The following RALGAPA1 variants were observed in gnomAD, a reference collection of about 807,000 sequenced individuals.
RALGAPA1 encodes the protein Ral GTPase activating protein catalytic subunit alpha 1, also known as ral GTPase-activating protein subunit alpha-1.
Under a neutral mutation model 269.6 loss-of-function variants are expected in RALGAPA1, and 52 were observed. The ratio of observed to expected loss-of-function variants is 0.19; its 90% confidence interval spans 0.15 to 0.24. RALGAPA1 has a LOEUF of 0.24. RALGAPA1 is among the 10% of genes least tolerant of loss of function. The pLI is 1.00. For missense variants in RALGAPA1, 1,917 were observed against 3,013.9 expected (o/e 0.64, Z 8.52); for synonymous variants, 817 against 1,008.3 (o/e 0.81, Z 3.60).
At chr14:35,781,895 A>G (rs956029383) in intron 1 of RALGAPA1, among the ~76,000 whole-genome samples, 6 of 152,178 alleles carry the variant, frequency 3.9e-5, no homozygotes, top group Non-Finnish European at 8.8e-5. Context: ...AAAGACTGAA[A>G]GCTTTACCCC....
chr14:35,625,050 C>T (rs1018596193), intron 35 of RALGAPA1, among the ~76,000 whole-genome samples: 1 of 147,704 alleles, frequency 6.8e-6, no homozygotes, highest in Non-Finnish European at 1.5e-5. Flanking sequence ...AAAAGTTAGC[C>T]GGGTGTGGTG....
At chr14:35,781,150 A>G (rs1350444727) in intron 1 of RALGAPA1, among the ~76,000 whole-genome samples, 1 of 152,182 alleles carries the variant, frequency 6.6e-6, no homozygotes, top group Admixed American at 6.5e-5. Context: ...TAAGATTCAA[A>G]TCACTAATCT....
At chr14:35,787,285 G>A (rs969568081) in intron 1 of RALGAPA1, among the ~76,000 whole-genome samples, 1 of 152,156 alleles carries the variant, frequency 6.6e-6, no homozygotes, top group Non-Finnish European at 1.5e-5. Flanking sequence ...GCAAGAACGG[G>A]TAATTATTTT....
intron 26 of RALGAPA1, among the ~76,000 whole-genome samples, chr14:35,666,175 C>A (rs1027816691): frequency 2.6e-5 from 4 of 151,976 alleles, no homozygotes; most frequent in Non-Finnish European, 5.9e-5. Context: ...CAGGTGCGTG[C>A]CACCACTACC....
chr14:35,775,937 A>G (rs1414215920), intron 1 of RALGAPA1, among the ~76,000 whole-genome samples, 192 bp from the exon 2 acceptor site: 5 of 152,198 alleles, frequency 3.3e-5, no homozygotes, highest in Non-Finnish European at 7.3e-5. Context: ...TTTTAGTTTT[A>G]ATTTTAAAAA....
intron 22 of RALGAPA1, chr14:35,677,640 G>C (rs1330428825): frequency 1.8e-5 from 5 of 273,392 alleles, no homozygotes; most frequent in Admixed American, 5.9e-5. Context: ...CTAAGAATAA[G>C]GATGCCAAAT....
chr14:35,663,345 T>C (rs544714365), intron 27 of RALGAPA1, among the ~76,000 whole-genome samples: 19 of 152,126 alleles, frequency 1.2e-4, no homozygotes, highest in Admixed American at 3.3e-4. Flanking sequence ...AAGAGATATA[T>C]GGATGCTATA....
At chr14:35,716,832 C>T (rs565000672) in intron 16 of RALGAPA1, among the ~76,000 whole-genome samples, 2 of 152,138 alleles carry the variant, frequency 1.3e-5, no homozygotes, top group Non-Finnish European at 2.9e-5. Context: ...TTAATTTGTT[C>T]TTCTATCTCC....
chr14:35,706,264 C>T (rs938996964), intron 16 of RALGAPA1, among the ~76,000 whole-genome samples: 3 of 152,142 alleles, frequency 2.0e-5, no homozygotes, highest in Admixed American at 6.6e-5. Context: ...GTGTTTTATA[C>T]TTTTGTACAT....
chr14:35,696,235 C>T (rs1350617624), intron 17 of RALGAPA1, among the ~76,000 whole-genome samples: 3 of 151,898 alleles, frequency 2.0e-5, no homozygotes, highest in Non-Finnish European at 2.9e-5. Flanking sequence ...CCCTGGGCAA[C>T]AACCCTGTCT....
At chr14:35,782,679 C>G (rs905846674) in intron 1 of RALGAPA1, among the ~76,000 whole-genome samples, 35 of 151,714 alleles carry the variant, frequency 2.3e-4, no homozygotes, top group African/African-American at 8.2e-4. Flanking sequence ...CCGCCATGGC[C>G]TCCCAAAGTG....
rs187797885 is a variant in RALGAPA1, at chr14:35,568,609, C to T, written c.7496+2008G>A. Among the ~76,000 whole-genome samples, 38 of 152,132 alleles carry T rather than the reference C, an allele frequency of 2.5e-4. No homozygotes were observed. In the East Asian group the frequency reaches 6.8e-3, roughly 27 times the overall value. On this transcript the variant is annotated intron_variant, in intron 39 of 41. Transcript: ENST00000680220. ...AGTATGGGTTTCACAAATCATTCTC[C>T]CCATAGTTTATTCACATCTGGGGAA...
At chr14:35,697,772 G>T (rs563150404) in intron 17 of RALGAPA1, among the ~76,000 whole-genome samples, 1 of 151,844 alleles carries the variant, frequency 6.6e-6, no homozygotes, top group East Asian at 1.9e-4. Context: ...CTAAATTTAC[G>T]TATCAGCTTG....
chr14:35,667,039 A>T (rs2140189556), intron 26 of RALGAPA1, among the ~76,000 whole-genome samples: 1 of 152,246 alleles, frequency 6.6e-6, no homozygotes, highest in South Asian at 2.1e-4. Context: ...CCATTAATTT[A>T]CTCCCAGATT....
chr14:35,711,781 C>G (rs1008420930), intron 16 of RALGAPA1, among the ~76,000 whole-genome samples: 1 of 152,108 alleles, frequency 6.6e-6, no homozygotes, highest in African/African-American at 2.4e-5. Flanking sequence ...CACCCAAGTC[C>G]TCTTTTTAAA....
intron 37 of RALGAPA1, among the ~76,000 whole-genome samples, chr14:35,579,648 G>T (rs921825428): frequency 1.3e-5 from 2 of 151,002 alleles, no homozygotes; most frequent in Non-Finnish European, 2.9e-5. Flanking sequence ...TACAATGAGA[G>T]GCCTCTGCTA....
chr14:35,755,420 A>G (rs1476711352), intron 7 of RALGAPA1, among the ~76,000 whole-genome samples: 1 of 152,192 alleles, frequency 6.6e-6, no homozygotes, highest in Non-Finnish European at 1.5e-5. Context: ...TATATACATT[A>G]TCTTAATTGT....
chr14:35,578,007 T>C (rs1481482268), intron 37 of RALGAPA1, among the ~76,000 whole-genome samples: 3 of 152,160 alleles, frequency 2.0e-5, no homozygotes, highest in Admixed American at 2.0e-4. Flanking sequence ...CCACACATAC[T>C]AATTCATGAG....
intron 37 of RALGAPA1, among the ~76,000 whole-genome samples, chr14:35,588,286 G>C (rs1218086576): frequency 6.6e-6 from 1 of 152,150 alleles, no homozygotes; most frequent in East Asian, 1.9e-4. Context: ...TATGATAAAG[G>C]ATTATTAAAC....
Sources: allele counts gnomAD v4.1 joint callset (sites outside exome capture counted in the v4.1 genomes callset), GRCh38; gene constraint gnomAD v4.1.1; transcripts MANE v1.5; gene names NCBI Gene and HGNC (gene_info 2026-07-23, HGNC 2026-07-21).